Variants in MID1 observed in about 807,000 individuals in gnomAD.
The protein encoded by MID1 is midline 1.
In MID1, 7 loss-of-function variants were observed where a neutral mutation model predicts 40.4. The observed-to-expected ratio is 0.17, with a 90% CI of 0.10 to 0.33. The LOEUF (loss-of-function observed/expected upper bound fraction) is 0.33, where lower values mean the gene tolerates loss of function less well. Among genes scored for constraint, MID1 ranks in the 10% least tolerant of loss-of-function variants. The pLI, the probability that MID1 is intolerant of heterozygous loss-of-function variation, is 1.00. For missense variants in MID1, 367 were observed against 558.5 expected, an observed-to-expected ratio of 0.66 and a Z score of 3.46; for synonymous variants, 229 against 221.2, an observed-to-expected ratio of 1.04 and a Z score of -0.31.
intron 1 of MID1, among the ~76,000 whole-genome samples, chrX:10,795,156 C>A (rs1602582510): frequency 8.9e-6 from 1 of 111,973 alleles, no homozygotes; most frequent in East Asian, 2.8e-4. Flanking sequence ...CAAAATGTGA[C>A]ATTCAAAAAT....
At chrX:10,777,508 A>G (rs111282094) in intron 1 of MID1, among the ~76,000 whole-genome samples, 4,851 of 105,434 alleles carry the variant, frequency 0.046, 240 homozygotes, top group African/African-American at 0.16. Context: ...TTTTTTCTTT[A>G]TATTCTTATT....
At chrX:10,664,621 G>C (rs1199108903) in intron 1 of MID1, among the ~76,000 whole-genome samples, 1 of 112,359 alleles carries the variant, frequency 8.9e-6, no homozygotes, top group Non-Finnish European at 1.9e-5. Flanking sequence ...ATACCTAAAA[G>C]TACACTCGTT....
At chrX:10,535,073 A>C (rs1188098316) in intron 2 of MID1, among the ~76,000 whole-genome samples, 1 of 112,436 alleles carries the variant, frequency 8.9e-6, no homozygotes, top group Admixed American at 9.4e-5. Context: ...GTTGAAAGAA[A>C]TGTGGAAATC....
intron 9 of MID1, 48 bp from the exon 10 acceptor site, chrX:10,449,764 A>T (rs778546116): frequency 1.2e-5 from 11 of 925,981 alleles, no homozygotes; most frequent in Non-Finnish European, 1.7e-5. Flanking sequence ...CATGTTGCAC[A>T]TGCACGTTAA....
At chrX:10,518,675 G>A (rs190746483) in intron 3 of MID1, among the ~76,000 whole-genome samples, 268 of 111,623 alleles carry the variant, frequency 2.4e-3, no homozygotes, top group Non-Finnish European at 4.0e-3. Flanking sequence ...AAAAACAAAC[G>A]TAAAAATAAG....
At chrX:10,639,997 C>A (rs372316495) in intron 1 of MID1, among the ~76,000 whole-genome samples, 7 of 111,795 alleles carry the variant, frequency 6.3e-5, no homozygotes, top group East Asian at 2.8e-4. Context: ...GCCTGCCTTA[C>A]AAGAGCTCCT....
In MID1 at chrX:10,567,615, A is replaced by G; in HGVS notation, c.-56-12T>C. 8.6e-7 allele frequency: 1 copy of G among 1,167,140 alleles called. No individual in the cohort carries two copies. The highest frequency in any genetic ancestry group is 1.8e-5 in the African/African-American group (1 of 57,029). The stretch of plus-strand genomic sequence containing the variant: ...AGCTGATCAGCTATCTGGAAACAAG[A>G]ATGTAAGATTTGATTAGGCACAGGG... On this transcript the variant is annotated splice_polypyrimidine_tract_variant and intron_variant, in intron 1 of 9. Transcript: ENST00000317552.
In MID1 at chrX:10,603,980, A is replaced by G. The variant is rs555217334; in HGVS notation, c.-57+16310T>C. Among the ~76,000 whole-genome samples, 18 of 112,032 alleles carry G rather than the reference A, an allele frequency of 1.6e-4. No homozygotes were observed. In the South Asian group the frequency reaches 6.4e-3, roughly 40 times the overall value. On this transcript the variant is annotated intron_variant, in intron 1 of 9. Transcript: ENST00000317552. ...GAATTTTTGGCTTAAAGCAGCTACA[A>G]TGGTTCAATCCCAAAGATTGGTGCA... is the stretch of plus-strand genomic sequence containing the variant.
intron 1 of MID1, among the ~76,000 whole-genome samples, chrX:10,790,430 G>A (rs978229296): frequency 3.6e-5 from 4 of 110,622 alleles, no homozygotes; most frequent in African/African-American, 1.3e-4. Context: ...CCATGTGTCA[G>A]TGTGACTCCA....
chrX:10,532,754 C>A (rs1933019847), intron 2 of MID1, among the ~76,000 whole-genome samples: 1 of 104,159 alleles, frequency 9.6e-6, no homozygotes, highest in South Asian at 4.0e-4. Flanking sequence ...TTTTGTGTGG[C>A]TTGTTAGCTA....
At chrX:10,495,738 C>T in intron 3 of MID1, 47 bp from the exon 4 acceptor site, 1 of 850,403 alleles carries the variant, frequency 1.2e-6, no homozygotes, top group Non-Finnish European at 1.8e-6. Context: ...CTTTGTTTTT[C>T]AGTTAAGTGC....
chrX:10,575,011 A>G (rs1236087606), intron 1 of MID1, among the ~76,000 whole-genome samples: 6 of 112,819 alleles, frequency 5.3e-5, no homozygotes, highest in Non-Finnish European at 1.9e-5. Context: ...ACGATGTTAC[A>G]GCAAGCCACA....
intron 1 of MID1, among the ~76,000 whole-genome samples, chrX:10,661,053 G>T (rs1484599141): frequency 9.0e-6 from 1 of 111,597 alleles, no homozygotes; most frequent in African/African-American, 3.3e-5. Context: ...TTTACACAAA[G>T]AATCAAATTA....
intron 3 of MID1, among the ~76,000 whole-genome samples, chrX:10,516,518 GC>G (rs1351914959): frequency 2.8e-5 from 3 of 107,156 alleles, no homozygotes; most frequent in Non-Finnish European, 5.8e-5. Flanking sequence ...CAATGTCTCT[GC>G]CTCCTGAGTC....
intron 1 of MID1, among the ~76,000 whole-genome samples, chrX:10,741,463 T>C (rs1602550142): frequency 1.0e-5 from 1 of 100,314 alleles, no homozygotes; most frequent in African/African-American, 4.3e-5. Flanking sequence ...TTCATTCCCC[T>C]CTTTTTTTTT....
chrX:10,516,250 A>T (rs1265842447), intron 3 of MID1, among the ~76,000 whole-genome samples: 1 of 92,120 alleles, frequency 1.1e-5, no homozygotes. Context: ...GCTGGAGTGC[A>T]GCAGTGTGAT....
intron 1 of MID1, among the ~76,000 whole-genome samples, chrX:10,717,463 T>C (rs1361965199): frequency 4.6e-5 from 5 of 108,677 alleles, no homozygotes; most frequent in Non-Finnish European, 7.6e-5. Context: ...CATTACATAA[T>C]GGTAAAGGGA....
At chrX:10,756,662 A>G (rs181059608) in intron 1 of MID1, among the ~76,000 whole-genome samples, 1 of 111,944 alleles carries the variant, frequency 8.9e-6, no homozygotes, top group Non-Finnish European at 1.9e-5. Context: ...ACACACAGAG[A>G]AAGAACATGA....
chrX:10,752,375 A>T (rs916835871), intron 1 of MID1, among the ~76,000 whole-genome samples: 1 of 112,054 alleles, frequency 8.9e-6, no homozygotes, highest in Non-Finnish European at 1.9e-5. Context: ...ACCTACTTCG[A>T]ATCCTACTCA....
Sources: gnomAD v4.1 joint callset for allele counts (sites outside exome capture counted in the v4.1 genomes callset) on GRCh38, gnomAD v4.1.1 for gene constraint, MANE v1.5 for transcripts, NCBI Gene and HGNC (gene_info 2026-07-23, HGNC 2026-07-21) for gene names.